The following FHIT variants were observed in gnomAD, a reference collection of about 807,000 sequenced individuals.
FHIT encodes fragile histidine triad diadenosine triphosphatase.
Under a neutral mutation model 17.9 loss-of-function variants are expected in FHIT, and 19 were observed. The ratio of observed to expected loss-of-function variants is 1.06; its 90% CI spans 0.74 to 1.56. FHIT has a LOEUF of 1.56. FHIT is among the 40% of genes most tolerant of loss of function. FHIT has a pLI of 0.00. For synonymous variants in FHIT, 81 were observed against 69.7 expected (o/e 1.16, Z -0.81); for missense variants, 248 against 189.2 (o/e 1.31, Z -1.82).
At chr3:60,206,575 G>C (rs1703203016) in intron 5 of FHIT, among the ~76,000 whole-genome samples, 1 of 152,220 alleles carries the variant, frequency 6.6e-6, no homozygotes, top group Non-Finnish European at 1.5e-5. Context: ...TCTAAGGCAT[G>C]AAAGAGGCAA....
At chr3:60,498,947 A>C (rs2034412556) in intron 5 of FHIT, among the ~76,000 whole-genome samples, 1 of 152,198 alleles carries the variant, frequency 6.6e-6, no homozygotes, top group South Asian at 2.1e-4. Flanking sequence ...TATTCCAGGA[A>C]CTTTTAACAA....
At chr3:60,459,841 G>A (rs376948411) in intron 5 of FHIT, among the ~76,000 whole-genome samples, 3 of 152,144 alleles carry the variant, frequency 2.0e-5, no homozygotes, top group East Asian at 1.9e-4. Flanking sequence ...ATTGTAAACC[G>A]CATCCCAATT....
intron 4 of FHIT, among the ~76,000 whole-genome samples, chr3:60,633,163 G>C: frequency 6.6e-6 from 1 of 152,162 alleles, no homozygotes. Context: ...AAAGAAATGT[G>C]CCCAAAATAT....
chr3:60,780,782 A>C (rs1700359899), intron 4 of FHIT, among the ~76,000 whole-genome samples: 1 of 152,174 alleles, frequency 6.6e-6, no homozygotes, highest in South Asian at 2.1e-4. Flanking sequence ...GGGTCCCCGA[A>C]AAACCTCCAG....
intron 8 of FHIT, among the ~76,000 whole-genome samples, chr3:59,786,732 G>A (rs748113707): frequency 1.4e-4 from 21 of 152,208 alleles, no homozygotes; most frequent in Non-Finnish European, 2.1e-4. Flanking sequence ...TTATGCCATT[G>A]AAAGTAACTG....
At chr3:61,058,532 G>T (rs1300288336) in intron 2 of FHIT, among the ~76,000 whole-genome samples, 3 of 152,136 alleles carry the variant, frequency 2.0e-5, no homozygotes, top group Admixed American at 6.6e-5. Flanking sequence ...CCTCCTTGCT[G>T]TTCTCGCAAT....
At chr3:60,697,110 TTAA>T (rs1282944934) in intron 4 of FHIT, among the ~76,000 whole-genome samples, 9 of 152,226 alleles carry the variant, frequency 5.9e-5, no homozygotes, top group Non-Finnish European at 1.2e-4. Flanking sequence ...GATTGAATTA[TTAA>T]TATTTCACCT....
At chr3:60,479,820 G>A (rs1189248923) in intron 5 of FHIT, among the ~76,000 whole-genome samples, 1 of 152,156 alleles carries the variant, frequency 6.6e-6, no homozygotes, top group African/African-American at 2.4e-5. Context: ...GAATATCTGA[G>A]GTAAAACAGT....
chr3:61,066,926 A>T (rs184385595), intron 2 of FHIT, among the ~76,000 whole-genome samples: 6 of 152,346 alleles, frequency 3.9e-5, no homozygotes, highest in Admixed American at 3.9e-4. Flanking sequence ...ATGTACCCAC[A>T]ACTGTCCATC....
chr3:60,090,987 G>A (rs977073653), intron 5 of FHIT, among the ~76,000 whole-genome samples: 10 of 152,172 alleles, frequency 6.6e-5, no homozygotes, highest in Non-Finnish European at 1.2e-4. Flanking sequence ...CATAATGACC[G>A]ATTAACCACA....
rs1701682014 is a variant in FHIT at position 60,176,565 on chromosome 3, T to G, written c.104-162413A>C. Among the ~76,000 whole-genome samples, 5 of 152,234 alleles carry G rather than the reference T, an allele frequency of 3.3e-5. No homozygotes were observed. In the South Asian group the frequency reaches 1.0e-3, roughly 32 times the overall value. On this transcript the variant is annotated intron_variant, in intron 5 of 9. Coordinates refer to ENST00000492590, the MANE Select transcript of FHIT (RefSeq NM_002012.4). ...GATATATAAACAAACACCTGGCAAC[T>G]GCCATATGGAAACGGACAAACACCT...
chr3:61,097,117 G>C (rs1039819731), intron 2 of FHIT, among the ~76,000 whole-genome samples: 1 of 149,136 alleles, frequency 6.7e-6, no homozygotes, highest in African/African-American at 2.5e-5. Flanking sequence ...GCGATTCCAA[G>C]ATGGCCGAAT....
chr3:61,224,818 C>T (rs1056496556), intron 1 of FHIT, among the ~76,000 whole-genome samples: 5 of 152,118 alleles, frequency 3.3e-5, no homozygotes, highest in East Asian at 1.9e-4. Context: ...TCACTCAAAT[C>T]GGCAGCATGT....
intron 5 of FHIT, among the ~76,000 whole-genome samples, chr3:60,448,649 T>C (rs374714607): frequency 5.9e-5 from 9 of 152,168 alleles, no homozygotes; most frequent in African/African-American, 2.2e-4. Flanking sequence ...CTTAACCGCA[T>C]TGCTTTACTG....
chr3:60,126,298 T>C (rs534245558), intron 5 of FHIT, among the ~76,000 whole-genome samples: 4 of 152,302 alleles, frequency 2.6e-5, no homozygotes, highest in Admixed American at 2.0e-4. Context: ...GTGGTTCCTC[T>C]AAACCCCACC....
intron 3 of FHIT, among the ~76,000 whole-genome samples, chr3:60,974,717 C>T (rs531776238): frequency 1.8e-4 from 27 of 152,124 alleles, no homozygotes; most frequent in Non-Finnish European, 3.5e-4. Flanking sequence ...ACTGAAAAGA[C>T]GCAGTAGCAT....
At chr3:60,959,063 T>C (rs1553779763) in intron 3 of FHIT, among the ~76,000 whole-genome samples, 2 of 152,204 alleles carry the variant, frequency 1.3e-5, no homozygotes, top group Admixed American at 1.3e-4. Context: ...ACTTCAGGAA[T>C]TGTCTGTCTT....
intron 4 of FHIT, among the ~76,000 whole-genome samples, chr3:60,567,124 G>A (rs1362038426): frequency 6.6e-6 from 1 of 151,882 alleles, no homozygotes; most frequent in East Asian, 1.9e-4. Context: ...AAGTTCTTAT[G>A]GAACCAAAAA....
chr3:60,599,440 T>C (rs782265758), intron 4 of FHIT, among the ~76,000 whole-genome samples: 1 of 152,160 alleles, frequency 6.6e-6, no homozygotes, highest in Non-Finnish European at 1.5e-5. Context: ...AAAGATAAGA[T>C]ACTTTGAGTA....
Sources: gnomAD v4.1 joint callset for allele counts (sites outside exome capture counted in the v4.1 genomes callset) on GRCh38, gnomAD v4.1.1 for gene constraint, MANE v1.5 for transcripts, NCBI Gene and HGNC (gene_info 2026-07-23, HGNC 2026-07-21) for gene names.